The following MACC1 variants were observed in gnomAD, a reference collection of about 807,000 sequenced individuals.
The protein encoded by MACC1 is MET transcriptional regulator MACC1.
In MACC1, 79 loss-of-function variants were observed where a neutral mutation model predicts 70.7. The observed-to-expected ratio is 1.12, with a 90% confidence interval of 0.93 to 1.35. MACC1 has a LOEUF of 1.35. Ranked by LOEUF, MACC1 falls within the 40% of genes most tolerant of loss-of-function variation. The pLI is 0.00. For synonymous variants in MACC1, 361 were observed against 347.2 expected (o/e 1.04, Z -0.44); for missense variants, 1,106 against 978.1 (o/e 1.13, Z -1.74).
Position 20,141,376 on chromosome 7 carries a change from C to T in MACC1, c.2347-218G>A, listed in dbSNP as rs529259198. 4.6e-5 allele frequency among the ~76,000 whole-genome samples: 7 copies of T among 152,174 alleles called. No individual in the cohort carries two copies. In the Middle Eastern group the frequency reaches 0.01, roughly 222 times the overall value. On this transcript the variant is annotated intron_variant, in intron 6 of 6. Coordinates refer to ENST00000400331, the MANE Select transcript of MACC1 (RefSeq NM_182762.4). ...AAACTAGAGATTTTAAAAATAATAA[C>T]TACAAATAGGGCCTTTTTTCCCTTG... is the stretch of plus-strand genomic sequence containing the variant.
chr7:20,202,463 G>A (rs1782846809), intron 1 of MACC1, among the ~76,000 whole-genome samples: 1 of 152,148 alleles, frequency 6.6e-6, no homozygotes, highest in South Asian at 2.1e-4. Flanking sequence ...CAATCAATGT[G>A]TTTTAGAGGA....
chr7:20,173,109 T>C (rs1782336842), intron 1 of MACC1, among the ~76,000 whole-genome samples: 1 of 152,206 alleles, frequency 6.6e-6, no homozygotes, highest in African/African-American at 2.4e-5. Context: ...TGCCCAGAAA[T>C]CATCCCAAAA....
intron 5 of MACC1, among the ~76,000 whole-genome samples, 158 bp downstream of exon 5, chr7:20,158,046 A>T (rs569660569): frequency 6.6e-6 from 1 of 152,306 alleles, no homozygotes; most frequent in African/African-American, 2.4e-5. Context: ...CAGTTTTATG[A>T]TCATGTAGGA....
chr7:20,149,803 T>C (rs1781948132), intron 6 of MACC1, among the ~76,000 whole-genome samples: 1 of 152,214 alleles, frequency 6.6e-6, no homozygotes, highest in South Asian at 2.1e-4. Context: ...AAAGCTAGCA[T>C]GTCTCCTAAT....
intron 1 of MACC1, among the ~76,000 whole-genome samples, chr7:20,193,458 C>T (rs1782701534): frequency 6.6e-6 from 1 of 152,070 alleles, no homozygotes; most frequent in African/African-American, 2.4e-5. Flanking sequence ...GAAGTGAAAA[C>T]AATTATGTTG....
In MACC1 at chr7:20,209,672, T is replaced by G. The variant is rs563540977; in HGVS notation, c.-218+7627A>C. ...CTTTTGGGTTAATGCTGGAATGAGT[T>G]AAGGCTTTGGGGGGGACTATTGGAA... On this transcript the variant is annotated intron_variant, in intron 1 of 6. Transcript: ENST00000400331. 3.9e-5 allele frequency among the ~76,000 whole-genome samples: 6 copies of G among 152,324 alleles called. No homozygotes were observed. In the South Asian group the frequency reaches 1.2e-3, roughly 32 times the overall value.
intron 2 of MACC1, among the ~76,000 whole-genome samples, chr7:20,165,870 A>C (rs117741045): frequency 2.4e-3 from 361 of 152,270 alleles, no homozygotes; most frequent in Non-Finnish European, 3.9e-3. Context: ...AAACCAACAA[A>C]GTTTTGCCCT....
At chr7:20,192,790 T>C (rs1376448931) in intron 1 of MACC1, among the ~76,000 whole-genome samples, 1 of 152,210 alleles carries the variant, frequency 6.6e-6, no homozygotes, top group African/African-American at 2.4e-5. Flanking sequence ...GATTAAGTTG[T>C]GCTACACTTG....
intron 1 of MACC1, among the ~76,000 whole-genome samples, chr7:20,214,942 C>T (rs141950283): frequency 5.8e-4 from 88 of 152,222 alleles, no homozygotes; most frequent in South Asian, 2.7e-3. Context: ...GCTTAAAGTT[C>T]CACCACCTCC....
chr7:20,166,208 G>A lies in MACC1; in HGVS notation c.-152-1809C>T, dbSNP rs571321172. Among the ~76,000 whole-genome samples, 3 of 152,266 alleles carry A rather than the reference G, an allele frequency of 2.0e-5. No individual in the cohort carries two copies. In the South Asian group the frequency reaches 6.2e-4, roughly 32 times the overall value. On this transcript the variant is annotated intron_variant, in intron 2 of 6. Transcript: ENST00000400331. Reference sequence around the variant, plus strand: ...GTACTGTATTTAACTCTTGATCTATGTGATAATAAAAACATGTCCATGTAG... The same window carrying A: ...GTACTGTATTTAACTCTTGATCTATATGATAATAAAAACATGTCCATGTAG...
chr7:20,173,108 A>T (rs1782336794), intron 1 of MACC1, among the ~76,000 whole-genome samples: 1 of 152,248 alleles, frequency 6.6e-6, no homozygotes, highest in Non-Finnish European at 1.5e-5. Context: ...ATGCCCAGAA[A>T]TCATCCCAAA....
At chr7:20,176,786 C>T (rs1428518816) in intron 1 of MACC1, among the ~76,000 whole-genome samples, 1 of 152,130 alleles carries the variant, frequency 6.6e-6, no homozygotes, top group Non-Finnish European at 1.5e-5. Context: ...AACTTAGATA[C>T]ATCTCAGGCA....
At chr7:20,178,660 C>T (rs1488163725) in intron 1 of MACC1, among the ~76,000 whole-genome samples, 2 of 152,168 alleles carry the variant, frequency 1.3e-5, no homozygotes, top group African/African-American at 2.4e-5. Flanking sequence ...AGTGCAAAGG[C>T]GCGATCTCGG....
In MACC1 at chr7:20,134,891, C is replaced by T. The variant is rs997896683; in HGVS notation, c.*6055G>A. 2.0e-5 allele frequency: 3 copies of T among 152,118 alleles called. No homozygotes were observed. The highest frequency in any genetic ancestry group is 6.5e-5 in the Admixed American group (1 of 15,280). 9.4% of individuals were successfully genotyped at this position (152,118 alleles called of 1,614,324 possible). A position where few individuals can be genotyped will look rare whatever the true frequency, so the allele number is the denominator to read the frequency against. ...TGATGGCAGAGGATAAAACGTGATACGTCAATCTCAAAGTGAGATGGTTCA... is the reference window on the plus strand; with the variant it reads ...TGATGGCAGAGGATAAAACGTGATATGTCAATCTCAAAGTGAGATGGTTCA... On this transcript the variant is annotated 3_prime_UTR_variant, in exon 7 of 7. Transcript: ENST00000400331.
At chr7:20,188,672 T>C (rs1300170816) in intron 1 of MACC1, among the ~76,000 whole-genome samples, 1 of 152,140 alleles carries the variant, frequency 6.6e-6, no homozygotes. Flanking sequence ...ACACCTTCTA[T>C]TAATTTTCAC....
Position 20,166,377 on chromosome 7 carries a change from C to T in MACC1, c.-152-1978G>A, listed in dbSNP as rs186012261. Among the ~76,000 whole-genome samples the T allele has an allele frequency of 1.8e-4, 27 of 152,236 alleles. No homozygotes were observed. The East Asian group carries it at 5.0e-3, about 28-fold the overall frequency. Reference sequence around the variant, plus strand: ...TTTTTAAAAAGGCCCACAAAGGAATCATAATCAGCTGATGATACACACCTG... The same window carrying T: ...TTTTTAAAAAGGCCCACAAAGGAATTATAATCAGCTGATGATACACACCTG... On this transcript the variant is annotated intron_variant, in intron 2 of 6. Coordinates refer to ENST00000400331, the MANE Select transcript of MACC1 (RefSeq NM_182762.4).
chr7:20,185,824 T>C (rs986053287), intron 1 of MACC1, among the ~76,000 whole-genome samples: 2 of 152,196 alleles, frequency 1.3e-5, no homozygotes, highest in African/African-American at 2.4e-5. Context: ...AGTAATGCTG[T>C]GCAATAGGTA....
intron 2 of MACC1, among the ~76,000 whole-genome samples, chr7:20,168,867 G>A (rs1408406729): frequency 6.6e-6 from 1 of 152,196 alleles, no homozygotes; most frequent in African/African-American, 2.4e-5. Flanking sequence ...AAGATCCAGA[G>A]CAGCTTTTTC....
chr7:20,160,369 T>G, intron 4 of MACC1, 124 bp from the exon 5 acceptor site: 101 of 1,116,654 alleles, frequency 9.0e-5, no homozygotes, highest in Non-Finnish European at 1.2e-4. Flanking sequence ...TTCTGATCTC[T>G]AGTCTACTAG....
Sources: gnomAD v4.1 joint callset for allele counts (sites outside exome capture counted in the v4.1 genomes callset) on GRCh38, gnomAD v4.1.1 for gene constraint, MANE v1.5 for transcripts, NCBI Gene and HGNC (gene_info 2026-07-23, HGNC 2026-07-21) for gene names.